The following SREBF2 variants were observed in gnomAD, a reference collection of about 807,000 sequenced individuals.
SREBF2 encodes sterol regulatory element-binding protein 2.
Under a neutral mutation model 113.1 loss-of-function variants are expected in SREBF2, and 55 were observed. The observed-to-expected ratio is 0.49, with a 90% confidence interval of 0.39 to 0.61. The LOEUF is 0.61. SREBF2 is among the 20% of genes least tolerant of loss of function. The pLI is 0.00. For synonymous variants in SREBF2, 593 were observed against 605.7 expected, an observed-to-expected ratio of 0.98 and a Z score of 0.31; for missense variants, 1,349 against 1,487.4, an observed-to-expected ratio of 0.91 and a Z score of 1.53.
intron 2 of SREBF2, among the ~76,000 whole-genome samples, chr22:41,868,265 G>T (rs2269657): frequency 0.37 from 56,335 of 151,976 alleles, 12,413 homozygotes; most frequent in African/African-American, 0.57. Context: ...AAGTGCACTT[G>T]CCGTCCAGAA....
rs556961065 is a variant in SREBF2 at position 41,881,192 on chromosome 22, A to G, written c.2038+200A>G. 9.8e-5 allele frequency among the ~76,000 whole-genome samples: 15 copies of G among 152,372 alleles called. No homozygotes were observed. In the East Asian group the frequency reaches 2.9e-3, roughly 29 times the overall value. On this transcript the variant is annotated intron_variant, in intron 10 of 18. Coordinates refer to ENST00000361204, the MANE Select transcript of SREBF2 (RefSeq NM_004599.4). ...TTAGCTCATCAGTTCTCAGATGCAC[A>G]TGTTTTCACAATAACATCACTATAC...
intron 1 of SREBF2, among the ~76,000 whole-genome samples, chr22:41,835,330 G>A (rs897610035): frequency 2.2e-5 from 3 of 138,438 alleles, no homozygotes; most frequent in African/African-American, 5.3e-5. Flanking sequence ...TTTTTTTTGA[G>A]ATGGAGTTTC....
At chr22:41,902,256 C>T (rs528733764) in intron 16 of SREBF2, among the ~76,000 whole-genome samples, 3 of 152,300 alleles carry the variant, frequency 2.0e-5, no homozygotes, top group African/African-American at 7.2e-5. Flanking sequence ...CACTGCGAGC[C>T]GGGTGGGCAG....
Position 41,844,637 on chromosome 22 carries a change from G to T in SREBF2, c.88+11279G>T, listed in dbSNP as rs370799472. On this transcript the variant is annotated intron_variant, in intron 1 of 18. Transcript: ENST00000361204. Reference sequence around the variant, plus strand: ...GGCCTTGAGAATTGCTAATGGATATGTATCTAAATGTCCCTTACAAGCTTG... The same window carrying T: ...GGCCTTGAGAATTGCTAATGGATATTTATCTAAATGTCCCTTACAAGCTTG... 4.6e-5 allele frequency among the ~76,000 whole-genome samples: 7 copies of T among 152,290 alleles called. No homozygotes were observed. The East Asian group carries it at 5.8e-4, about 13-fold the overall frequency.
rs2076737663 is a variant in SREBF2, at chr22:41,833,599, G to A, written c.88+241G>A. 4.8e-6 allele frequency: 2 copies of A among 415,708 alleles called. No homozygotes were observed. Among genetic ancestry groups the A allele is most frequent in the African/African-American group, 2.1e-5 (1 of 47,682 alleles). 25.8% of individuals were successfully genotyped at this position (415,708 alleles called of 1,614,324 possible). The stretch of plus-strand genomic sequence containing the variant: ...GCCGCGGGGCCGAAAGCGGCGCGAG[G>A]GTCGCGGGTTCCAGAGCGCGGGGCT... On this transcript the variant is annotated intron_variant, in intron 1 of 18. Coordinates refer to ENST00000361204, the MANE Select transcript of SREBF2 (RefSeq NM_004599.4). This position sits in a 1 kb window ranked among gnomAD's most constrained non-coding sequence, Gnocchi z 4.1.
At chr22:41,857,412 G>A (rs1326021195) in intron 1 of SREBF2, among the ~76,000 whole-genome samples, 4 of 152,216 alleles carry the variant, frequency 2.6e-5, no homozygotes, top group African/African-American at 9.7e-5. Flanking sequence ...GGCGGGGAGA[G>A]AGAGCACTAG....
rs564381547 is a variant in SREBF2 at position 41,875,203 on chromosome 22, T to C, written c.1090-134T>C. 1.4e-3 allele frequency: 1,024 copies of C among 733,036 alleles called. 10 individuals carry two copies. Among genetic ancestry groups the C allele is most frequent in the South Asian group, 4.8e-3 (320 of 67,362 alleles). 45.4% of individuals were successfully genotyped at this position (733,036 alleles called of 1,614,324 possible). ...TTCTCCCGAGTGGCACAGCTAATCA[T>C]TGGGAGGACCAGCATCTGAACTTGG... On this transcript the variant is annotated intron_variant, in intron 5 of 18. Transcript: ENST00000361204.
intron 1 of SREBF2, among the ~76,000 whole-genome samples, chr22:41,858,854 T>C (rs546689993): frequency 1.3e-5 from 2 of 152,202 alleles, no homozygotes; most frequent in East Asian, 3.9e-4. Context: ...TTAAAAAAGA[T>C]AGGGACCTGC....
At position 41,875,447 on chromosome 22, in the gene SREBF2, G is replaced by C. The variant is rs1456920692; in HGVS notation, c.1200G>C (p.Lys400Asn). 3 of 1,614,128 alleles carry C rather than the reference G, an allele frequency of 1.9e-6. No individual in the cohort carries two copies. The highest frequency in any genetic ancestry group is 2.5e-6 in the Non-Finnish European group (3 of 1,180,058). ...TGGTGCTGAAGCTGGCAAATCAAAA[G>C]AACAGTAAGTGTGCTGAGAAAAGGC... ...ENMVLKLANQ[K>N]NKLLKGIDLG... Residue 400 changes from lysine to asparagine, a missense_variant, in exon 6 of 19, where the codon AAG becomes AAC. Lys to Asn is a moderately conservative substitution (Grantham distance 94). This residue lies in a region of SREBF2 where 699 missense variants were observed against 843.3 expected (regional missense o/e 0.83). Coordinates refer to ENST00000361204, the MANE Select transcript of SREBF2 (RefSeq NM_004599.4).
intron 1 of SREBF2, among the ~76,000 whole-genome samples, chr22:41,856,252 G>T (rs150156889): frequency 3.9e-5 from 6 of 151,934 alleles, no homozygotes; most frequent in African/African-American, 1.5e-4. Context: ...TCAGCCTGCC[G>T]AGTAGCTGGG....
At chr22:41,838,659 G>C (rs148982064) in intron 1 of SREBF2, among the ~76,000 whole-genome samples, 4,192 of 152,246 alleles carry the variant, frequency 0.028, 95 homozygotes, top group Admixed American at 0.072. Flanking sequence ...CTTGAACCTG[G>C]GAGGCGGAGG....
intron 1 of SREBF2, among the ~76,000 whole-genome samples, 171 bp from the exon 2 acceptor site, chr22:41,866,660 G>A (rs545652276): frequency 6.6e-6 from 1 of 152,328 alleles, no homozygotes; most frequent in African/African-American, 2.4e-5. Context: ...GGGACCTTGG[G>A]CAGCCATCTT....
intron 16 of SREBF2, among the ~76,000 whole-genome samples, chr22:41,902,660 G>A (rs2077474658): frequency 6.6e-6 from 1 of 152,144 alleles, no homozygotes; most frequent in Non-Finnish European, 1.5e-5. Context: ...AACCCACAAG[G>A]GTTTTATTTC....
intron 1 of SREBF2, among the ~76,000 whole-genome samples, chr22:41,848,505 T>C (rs2076898860): frequency 6.6e-6 from 1 of 152,172 alleles, no homozygotes; most frequent in South Asian, 2.1e-4. Flanking sequence ...TAGGCAAGGA[T>C]TGGAGTCCCT....
intron 1 of SREBF2, among the ~76,000 whole-genome samples, chr22:41,862,495 G>C (rs1020400628): frequency 6.6e-6 from 1 of 152,134 alleles, no homozygotes; most frequent in African/African-American, 2.4e-5. Context: ...GTGGCCTGCC[G>C]TAGGAACTGG....
chr22:41,898,869 G>T, intron 15 of SREBF2, 88 bp downstream of exon 15: 1 of 1,562,122 alleles, frequency 6.4e-7, no homozygotes, highest in Non-Finnish European at 8.7e-7. Flanking sequence ...GGGTGGGCGT[G>T]TTGGGGTGAA....
At chr22:41,881,330 G>A (rs2077243699) in intron 10 of SREBF2, among the ~76,000 whole-genome samples, 1 of 152,222 alleles carries the variant, frequency 6.6e-6, no homozygotes, top group Non-Finnish European at 1.5e-5. Context: ...TAGAGTCAAT[G>A]AAATATGATC....
chr22:41,871,115 T>TGAAG, intron 4 of SREBF2, 80 bp downstream of exon 4: 1 of 1,582,066 alleles, frequency 6.3e-7, no homozygotes, highest in Non-Finnish European at 8.7e-7. Context: ...GTTAAATCTC[T>TGAAG]ATATGCTGAG....
intron 18 of SREBF2, 113 bp from the exon 19 acceptor site, chr22:41,905,327 C>T: frequency 1.9e-6 from 2 of 1,072,050 alleles, no homozygotes; most frequent in Non-Finnish European, 1.4e-6. Flanking sequence ...GGGCAGCAGA[C>T]CCCACCTCCC....
Sources: allele counts gnomAD v4.1 joint callset (sites outside exome capture counted in the v4.1 genomes callset), GRCh38; gene constraint gnomAD v4.1.1; regional missense constraint gnomAD v4.1.1; non-coding constraint Gnocchi (gnomAD v3.1); transcripts MANE v1.5; gene names NCBI Gene and HGNC (gene_info 2026-07-23, HGNC 2026-07-21).